The following CAPZB variants were observed in gnomAD, a reference collection of about 807,000 sequenced individuals.
The protein encoded by CAPZB is capping actin protein of muscle Z-line subunit beta, also known as F-actin-capping protein subunit beta.
In CAPZB, 2 loss-of-function variants were observed where a neutral mutation model predicts 38.1. The observed-to-expected ratio is 0.05, with a 90% confidence interval of 0.02 to 0.17. The LOEUF is 0.17. Ranked by LOEUF, CAPZB falls within the 10% of genes least tolerant of loss-of-function variation. The pLI, the probability that CAPZB is intolerant of heterozygous loss-of-function variation, is 1.00. For synonymous variants in CAPZB, 107 were observed against 127.4 expected, an observed-to-expected ratio of 0.84 and a Z score of 1.08; for missense variants, 161 against 334.2, an observed-to-expected ratio of 0.48 and a Z score of 4.04.
In CAPZB at chr1:19,338,786, C is replaced by T. The variant is rs1057459984; in HGVS notation, c.*744G>A. 1 of 152,574 alleles carries T rather than the reference C, an allele frequency of 6.6e-6. No homozygotes were observed. Among genetic ancestry groups the T allele is most frequent in the African/African-American group, 2.4e-5 (1 of 41,474 alleles). The allele number at this position is 152,574 out of a possible 1,614,324, so 9.5% of individuals were successfully genotyped here. On this transcript the variant is annotated 3_prime_UTR_variant, in exon 9 of 9. Coordinates refer to ENST00000264202, the MANE Select transcript of CAPZB (RefSeq NM_004930.5). The stretch of plus-strand genomic sequence containing the variant: ...CAGAAGGCCAGCGCTAACTGCGCCC[C>T]AGTTTCTTTTTATTGATTTCTTTTC...
At chr1:19,476,168 GTAGATAGA>G (rs200136717) in intron 1 of CAPZB, among the ~76,000 whole-genome samples, 3,152 of 33,170 alleles carry the variant, frequency 0.095, 66 homozygotes, top group Non-Finnish European at 0.24. Context: ...TAAAAAATAA[GTAGATAGA>G]TAGATAGATA....
chr1:19,438,750 G>C (rs561011822), intron 1 of CAPZB, among the ~76,000 whole-genome samples: 1 of 152,318 alleles, frequency 6.6e-6, no homozygotes, highest in African/African-American at 2.4e-5. Flanking sequence ...CTCACATCAG[G>C]ATCTCAGCTC....
At chr1:19,449,445 A>G (rs932450856) in intron 1 of CAPZB, 2 of 479,918 alleles carry the variant, frequency 4.2e-6, no homozygotes, top group African/African-American at 4.2e-5. Context: ...TGGTATGTCC[A>G]CTCAGTGGAA....
intron 2 of CAPZB, among the ~76,000 whole-genome samples, chr1:19,412,036 G>C (rs1423622677): frequency 6.6e-6 from 1 of 152,214 alleles, no homozygotes; most frequent in Non-Finnish European, 1.5e-5. Flanking sequence ...CCCATTCACA[G>C]AGCAAAAGGC....
At chr1:19,346,452 TAAAAAAAAAAAAA>T (rs200968507) in intron 6 of CAPZB, among the ~76,000 whole-genome samples, 26,932 of 73,396 alleles carry the variant, frequency 0.37, 3,017 homozygotes, top group South Asian at 0.44. Flanking sequence ...TGAGAGAAGC[TAAAAAAAAAAAAA>T]AAAAAAAAAA....
chr1:19,381,486 A>T (rs2100439056), intron 3 of CAPZB, among the ~76,000 whole-genome samples: 1 of 152,240 alleles, frequency 6.6e-6, no homozygotes, highest in South Asian at 2.1e-4. Context: ...AGAGGAAGAA[A>T]GGGGAATTCT....
intron 2 of CAPZB, among the ~76,000 whole-genome samples, chr1:19,412,897 T>C (rs948778442): frequency 4.6e-5 from 7 of 152,348 alleles, no homozygotes; most frequent in African/African-American, 7.2e-5. Flanking sequence ...TCAACAGATG[T>C]ACAGCGTGCA....
chr1:19,412,255 G>A (rs1201187914), intron 2 of CAPZB, among the ~76,000 whole-genome samples: 5 of 152,234 alleles, frequency 3.3e-5, no homozygotes, highest in South Asian at 2.1e-4. Context: ...CATCCATTCC[G>A]CGGCTCCTGC....
chr1:19,350,452 G>A (rs2093985582), intron 6 of CAPZB, among the ~76,000 whole-genome samples: 1 of 152,274 alleles, frequency 6.6e-6, no homozygotes, highest in African/African-American at 2.4e-5. Flanking sequence ...ACACTGTGCT[G>A]TGGGTTGGAG....
At chr1:19,407,787 G>A (rs2094339339) in intron 2 of CAPZB, among the ~76,000 whole-genome samples, 1 of 152,166 alleles carries the variant, frequency 6.6e-6, no homozygotes, top group African/African-American at 2.4e-5. Context: ...GATAACCGGG[G>A]TCAGCTCCTC....
At chr1:19,458,211 C>G (rs750772563) in intron 1 of CAPZB, among the ~76,000 whole-genome samples, 3 of 151,948 alleles carry the variant, frequency 2.0e-5, no homozygotes, top group Non-Finnish European at 4.4e-5. Flanking sequence ...TGCCAACACA[C>G]AGCCATTTCT....
chr1:19,398,879 T>C (rs2094287864), intron 2 of CAPZB, among the ~76,000 whole-genome samples: 1 of 20,952 alleles, frequency 4.8e-5, no homozygotes, highest in South Asian at 9.3e-4. Flanking sequence ...TGCACAACTC[T>C]TTTTTTTTTT....
At chr1:19,355,785 C>T (rs2094017639) in intron 6 of CAPZB, among the ~76,000 whole-genome samples, 1 of 152,196 alleles carries the variant, frequency 6.6e-6, no homozygotes, top group Non-Finnish European at 1.5e-5. Flanking sequence ...TTTCTCTTCC[C>T]CCTTTACGCC....
intron 6 of CAPZB, among the ~76,000 whole-genome samples, chr1:19,352,468 C>T (rs2100290847): frequency 6.6e-6 from 1 of 152,392 alleles, no homozygotes; most frequent in Non-Finnish European, 1.5e-5. Context: ...AATCTCGCCT[C>T]TTTCCCACGT....
At chr1:19,353,718 G>C (rs574348524) in intron 6 of CAPZB, among the ~76,000 whole-genome samples, 2 of 152,278 alleles carry the variant, frequency 1.3e-5, no homozygotes, top group African/African-American at 4.8e-5. Context: ...AAACCTCAAA[G>C]CCCTCCTGAC....
chr1:19,344,342 C>A lies in CAPZB; in HGVS notation c.731+16G>T. The A allele has an allele frequency of 6.2e-7, 1 of 1,602,496 alleles. No individual in the cohort carries two copies. Among genetic ancestry groups the A allele is most frequent in the Non-Finnish European group, 8.6e-7 (1 of 1,169,432 alleles). On this transcript the variant is annotated intron_variant, in intron 8 of 8. Coordinates refer to ENST00000264202, the MANE Select transcript of CAPZB (RefSeq NM_004930.5). ...CCTCTGTCTGCTTCTAAAGCTTGTG[C>A]TTTCTGGTACATTACCTCAGCCCAT...
chr1:19,405,541 C>CAAAAAAAAA (rs10577923), intron 2 of CAPZB, among the ~76,000 whole-genome samples: 1 of 96,514 alleles, frequency 1.0e-5, no homozygotes, highest in African/African-American at 4.5e-5. Flanking sequence ...TAGAAAGAGG[C>CAAAAAAAAA]AAAAAAAAAA....
In CAPZB at chr1:19,482,329, A is replaced by G. The variant is rs1342943442; in HGVS notation, c.3+3107T>C. The stretch of plus-strand genomic sequence containing the variant: ...CAGACAAGAGGGATGTGAGTTGAAC[A>G]ATGTGTCTTATCCACATCAAGAGAC... On this transcript the variant is annotated intron_variant, in intron 1 of 8. Coordinates refer to ENST00000264202, the MANE Select transcript of CAPZB (RefSeq NM_004930.5). Among the ~76,000 whole-genome samples, 6 of 152,346 alleles carry G rather than the reference A, an allele frequency of 3.9e-5. No individual in the cohort carries two copies. The East Asian group carries it at 1.2e-3, about 29-fold the overall frequency.
chr1:19,351,770 C>A (rs1277202058), intron 6 of CAPZB, among the ~76,000 whole-genome samples: 2 of 152,134 alleles, frequency 1.3e-5, no homozygotes, highest in Admixed American at 1.3e-4. Context: ...TACCAGAAAA[C>A]TGAAGGACAA....
Sources: allele counts gnomAD v4.1 joint callset (sites outside exome capture counted in the v4.1 genomes callset), GRCh38; gene constraint gnomAD v4.1.1; transcripts MANE v1.5; gene names NCBI Gene and HGNC (gene_info 2026-07-23, HGNC 2026-07-21).